ATP8B1: variants seen among roughly 807,000 people sequenced by gnomAD.
ATP8B1 encodes the protein phospholipid-transporting ATPase IC.
A neutral mutation model predicts 149.9 loss-of-function variants in ATP8B1; 80 were observed. That is an observed-to-expected ratio of 0.53 (90% CI 0.45 to 0.64). The LOEUF is 0.64. Among genes scored for constraint, ATP8B1 ranks in the 30% least tolerant of loss-of-function variants. ATP8B1 has a pLI of 0.00. For missense variants in ATP8B1, 1,247 were observed against 1,552.6 expected (o/e 0.80, Z 3.31); for synonymous variants, 536 against 562.8 (o/e 0.95, Z 0.67).
At chr18:57,680,662 A>T (rs1177433401) in intron 15 of ATP8B1, among the ~76,000 whole-genome samples, 1 of 151,226 alleles carries the variant, frequency 6.6e-6, no homozygotes, top group African/African-American at 2.4e-5. Flanking sequence ...TAGCTCTCAG[A>T]TGTCTTTTTC....
chr18:57,669,021 G>T (rs75165055), intron 18 of ATP8B1: 3 of 240,922 alleles, frequency 1.2e-5, no homozygotes, highest in African/African-American at 2.3e-5. Context: ...ATAAGTATTA[G>T]ATGCAGGTTT....
At chr18:57,677,985 T>C (rs1250240613) in intron 15 of ATP8B1, among the ~76,000 whole-genome samples, 1 of 152,150 alleles carries the variant, frequency 6.6e-6, no homozygotes. Context: ...CTTCTGATAA[T>C]GGAATCACAG....
In ATP8B1 at chr18:57,685,075, T is replaced by G. The variant is rs780704126; in HGVS notation, c.1470A>C (p.Ile490=). ...RDASQHNHNK[I]EQVDFSWNTY... is the part of the protein sequence containing the mutation. ...TTCTTCGGCTTAAAGGTCTTACCTC[T>G]ATTTTGTTGTGGTTGTGTTGAGAGG... Residue 490 remains isoleucine (I), a synonymous_variant, in exon 14 of 28, where the codon ATA becomes ATC. Coordinates refer to ENST00000648908, the MANE Select transcript of ATP8B1 (RefSeq NM_001374385.1). 1 of 1,614,084 alleles carries G rather than the reference T, an allele frequency of 6.2e-7. No individual in the cohort carries two copies. The highest frequency in any genetic ancestry group is 8.5e-7 in the Non-Finnish European group (1 of 1,180,030).
At position 57,673,271 on chromosome 18, in the gene ATP8B1, T is replaced by C. The variant is rs143547166; in HGVS notation, c.1819+1563A>G. On this transcript the variant is annotated intron_variant, in intron 16 of 27. Transcript: ENST00000648908. ...AACCGTCCTTGACTCAGAGTCATGA[T>C]CACCTAATATAACCTGTGATCTTAG... Among the ~76,000 whole-genome samples the C allele has an allele frequency of 7.0e-3, 1,058 of 151,954 alleles. 4 individuals carry two copies. The highest frequency in any genetic ancestry group is 0.011 in the Non-Finnish European group (765 of 67,966).
intron 15 of ATP8B1, among the ~76,000 whole-genome samples, chr18:57,677,346 C>T (rs1911660282): frequency 6.6e-6 from 1 of 152,150 alleles, no homozygotes; most frequent in Admixed American, 6.5e-5. Context: ...AAATACTCTG[C>T]CTACCCAAGA....
chr18:57,744,117 C>A (rs770193208), intron 1 of ATP8B1, among the ~76,000 whole-genome samples: 16 of 152,058 alleles, frequency 1.1e-4, no homozygotes, highest in African/African-American at 2.9e-4. Context: ...GAGTTTGAGA[C>A]CAGCCTGGCC....
intron 15 of ATP8B1, among the ~76,000 whole-genome samples, chr18:57,683,649 T>G (rs919197201): frequency 1.5e-4 from 23 of 152,190 alleles, no homozygotes; most frequent in Non-Finnish European, 3.1e-4. Context: ...AAAAGATTAG[T>G]CAAGTTCAAA....
rs758906628 is a variant in ATP8B1 at position 57,648,666 on chromosome 18, C to G, written c.3578G>C (p.Arg1193Pro). The change falls in exon 28 of 28, where the codon CGA becomes CCA. Residue 1193 changes from arginine to proline, a missense_variant. Physicochemically the swap from Arg to Pro is moderately radical, Grantham distance 103. Coordinates refer to ENST00000648908, the MANE Select transcript of ATP8B1 (RefSeq NM_001374385.1). ...KRLKAEEQWQ[R>P]RQQVFRRGVS... ...GCCCCGGCGGAACACCTGCTGCCGTCGCTGCCACTGCTCCTCCGCCTTCAA... is the reference window on the plus strand; with the variant it reads ...GCCCCGGCGGAACACCTGCTGCCGTGGCTGCCACTGCTCCTCCGCCTTCAA... The G allele has an allele frequency of 1.0e-5, 16 of 1,573,812 alleles. No individual in the cohort carries two copies. In the South Asian group the frequency reaches 1.3e-4, roughly 12 times the overall value.
chr18:57,681,007 A>G (rs1911939516), intron 15 of ATP8B1, among the ~76,000 whole-genome samples: 1 of 152,154 alleles, frequency 6.6e-6, no homozygotes, highest in Non-Finnish European at 1.5e-5. Context: ...TCAATCAAGC[A>G]CTAATCTAGG....
intron 1 of ATP8B1, among the ~76,000 whole-genome samples, chr18:57,754,294 C>G (rs1478563828): frequency 6.6e-6 from 1 of 151,458 alleles, no homozygotes; most frequent in Admixed American, 6.6e-5. Context: ...AAAACTTAGC[C>G]AGGCATGGTG....
At chr18:57,726,027 A>T (rs754313695) in intron 2 of ATP8B1, among the ~76,000 whole-genome samples, 2 of 152,176 alleles carry the variant, frequency 1.3e-5, no homozygotes, top group Non-Finnish European at 2.9e-5. Flanking sequence ...CAAGAGATGG[A>T]GACCATCCTG....
At chr18:57,672,796 G>A (rs1262941152) in intron 16 of ATP8B1, among the ~76,000 whole-genome samples, 1 of 145,690 alleles carries the variant, frequency 6.9e-6, no homozygotes, top group Non-Finnish European at 1.5e-5. Flanking sequence ...AACCAGGGAG[G>A]TAGAGGTTGC....
At chr18:57,745,427 A>G (rs139482248) in intron 1 of ATP8B1, among the ~76,000 whole-genome samples, 1 of 152,016 alleles carries the variant, frequency 6.6e-6, no homozygotes, top group Non-Finnish European at 1.5e-5. Context: ...ATGCACCACC[A>G]TGCTCGAGTA....
At chr18:57,781,710 C>T (rs191890660) in intron 1 of ATP8B1, among the ~76,000 whole-genome samples, 3 of 152,134 alleles carry the variant, frequency 2.0e-5, no homozygotes, top group Non-Finnish European at 4.4e-5. Flanking sequence ...TGCAGTGGCT[C>T]GCACCAGTAA....
At chr18:57,693,474 G>A (rs956620154) in intron 11 of ATP8B1, among the ~76,000 whole-genome samples, 2 of 152,060 alleles carry the variant, frequency 1.3e-5, no homozygotes, top group African/African-American at 4.8e-5. Flanking sequence ...TTGGGAGGCC[G>A]AGGCAGGCAG....
chr18:57,760,535 C>G (rs1015704774), intron 1 of ATP8B1, among the ~76,000 whole-genome samples: 30 of 152,058 alleles, frequency 2.0e-4, no homozygotes, highest in African/African-American at 7.0e-4. Flanking sequence ...TAGTGGCTTC[C>G]ACAAGATCCA....
intron 1 of ATP8B1, among the ~76,000 whole-genome samples, chr18:57,747,725 C>G (rs1369461949): frequency 1.3e-5 from 2 of 152,218 alleles, no homozygotes; most frequent in Admixed American, 6.5e-5. Context: ...TCCTGAACAT[C>G]TAAGACTGGT....
chr18:57,732,573 C>A (rs1195250449), intron 1 of ATP8B1, among the ~76,000 whole-genome samples: 1 of 150,764 alleles, frequency 6.6e-6, no homozygotes, highest in Non-Finnish European at 1.5e-5. Context: ...TCTTTTTTTT[C>A]TTTTTTTGAG....
intron 1 of ATP8B1, among the ~76,000 whole-genome samples, chr18:57,735,932 C>A (rs1175292378): frequency 6.6e-6 from 1 of 152,094 alleles, no homozygotes; most frequent in Non-Finnish European, 1.5e-5. Flanking sequence ...GCCCTGCATG[C>A]ATTAGGTATT....
Sources: allele counts gnomAD v4.1 joint callset (sites outside exome capture counted in the v4.1 genomes callset), GRCh38; gene constraint gnomAD v4.1.1; transcripts MANE v1.5; gene names NCBI Gene and HGNC (gene_info 2026-07-23, HGNC 2026-07-21).